Variants in ALDH1A3 observed in about 807,000 individuals in gnomAD.
ALDH1A3 encodes retinaldehyde dehydrogenase 3.
In ALDH1A3, 28 loss-of-function variants were observed where a neutral mutation model predicts 57.5. The ratio of observed to expected loss-of-function variants is 0.49; its 90% CI spans 0.36 to 0.67. The LOEUF (loss-of-function observed/expected upper bound fraction) is 0.67, where lower values mean the gene tolerates loss of function less well. Among genes scored for constraint, ALDH1A3 ranks in the 30% least tolerant of loss-of-function variants. The pLI is 0.00. For synonymous variants in ALDH1A3, 281 were observed against 264.8 expected (o/e 1.06, Z -0.59); for missense variants, 507 against 669.4 (o/e 0.76, Z 2.68).
intron 9 of ALDH1A3, among the ~76,000 whole-genome samples, chr15:100,903,821 T>C (rs1298888143): frequency 2.0e-5 from 3 of 152,270 alleles, no homozygotes; most frequent in Admixed American, 2.0e-4. Flanking sequence ...TCAAATGTGC[T>C]TTGCGTATTT....
Position 100,900,733 on chromosome 15 carries a change from G to A in ALDH1A3, c.1042G>A (p.Asp348Asn), listed in dbSNP as rs772610695. 1.3e-5 allele frequency: 21 copies of A among 1,613,958 alleles called. No homozygotes were observed. Among genetic ancestry groups the A allele is most frequent in the East Asian group, 4.5e-5 (2 of 44,896 alleles). Residue 348 changes from aspartate (D) to asparagine (N), a missense_variant, in exon 9 of 13, where the codon GAT becomes AAT. Coordinates refer to ENST00000329841, the MANE Select transcript of ALDH1A3 (RefSeq NM_000693.4). ...GAAACGGCCCGTGGGAGACCCCTTC[G>A]ATGTCAAAACAGAACAGGGGCCTCA... The part of the protein sequence containing the change: ...AKKRPVGDPF[D>N]VKTEQGPQID...
At chr15:100,904,379 C>T (rs896665368) in intron 9 of ALDH1A3, among the ~76,000 whole-genome samples, 1 of 152,168 alleles carries the variant, frequency 6.6e-6, no homozygotes, top group East Asian at 1.9e-4. Context: ...AAACTGGGTC[C>T]ATATTTCATG....
chr15:100,900,426 C>G (rs1006696860), intron 8 of ALDH1A3, 149 bp from the exon 9 acceptor site: 2 of 771,266 alleles, frequency 2.6e-6, no homozygotes, highest in Admixed American at 5.7e-5. Flanking sequence ...TTGGGAAAGT[C>G]TGCAAACAAA....
chr15:100,891,457 G>T (rs939516519), intron 3 of ALDH1A3, among the ~76,000 whole-genome samples: 4 of 152,272 alleles, frequency 2.6e-5, no homozygotes, highest in African/African-American at 9.6e-5. Context: ...GTAAAGGCCA[G>T]TCGCTGTGCT....
intron 3 of ALDH1A3, among the ~76,000 whole-genome samples, chr15:100,888,112 T>G (rs1302595998): frequency 6.6e-6 from 1 of 152,136 alleles, no homozygotes; most frequent in African/African-American, 2.4e-5. Context: ...TTTATTTATT[T>G]TTTTGAGACA....
chr15:100,905,114 C>A (rs1222285763), intron 9 of ALDH1A3, among the ~76,000 whole-genome samples: 6 of 152,182 alleles, frequency 3.9e-5, no homozygotes, highest in Non-Finnish European at 2.9e-5. Flanking sequence ...AATTATGTGT[C>A]ATTTTTCTGA....
chr15:100,890,572 C>G lies in ALDH1A3; in HGVS notation c.346-1938C>G, dbSNP rs1317864321. On this transcript the variant is annotated intron_variant, in intron 3 of 12. Transcript: ENST00000329841. ...ATGCTGGCTGAATGTTCGCCATGTA[C>G]CTGGCTTGTTGACCTGTAGGATTTA... 4.6e-5 allele frequency among the ~76,000 whole-genome samples: 7 copies of G among 152,158 alleles called. No homozygotes were observed. In the East Asian group the frequency reaches 1.3e-3, roughly 29 times the overall value.
chr15:100,887,565 C>A lies in ALDH1A3; in HGVS notation c.205-7C>A. 1 of 1,575,344 alleles carries A rather than the reference C, an allele frequency of 6.3e-7. No homozygotes were observed. Among genetic ancestry groups the A allele is most frequent in the South Asian group, 1.2e-5 (1 of 85,972 alleles). ...GACAGTCTCTCTCTGTTGTTCTGGT[C>A]GCTCAGCCCGACGTGGACAAGGCTG... On this transcript the variant is annotated splice_region_variant and splice_polypyrimidine_tract_variant and intron_variant, in intron 2 of 12. Coordinates refer to ENST00000329841, the MANE Select transcript of ALDH1A3 (RefSeq NM_000693.4). The surrounding 1 kb of genome is among the most constrained non-coding windows in gnomAD (Gnocchi z 4.6).
In ALDH1A3 at chr15:100,908,899, G is replaced by A. The variant is rs547009366; in HGVS notation, c.1466+417G>A. 3.3e-5 allele frequency among the ~76,000 whole-genome samples: 5 copies of A among 152,192 alleles called. No individual in the cohort carries two copies. The East Asian group carries it at 9.7e-4, about 29-fold the overall frequency. On this transcript the variant is annotated intron_variant, in intron 12 of 12. Coordinates refer to ENST00000329841, the MANE Select transcript of ALDH1A3 (RefSeq NM_000693.4). ...ACCCAGGTAAGGCTCCTACCTGCTG[G>A]GTCCTTTTTTCTGAGCCTAGTAGGG...
chr15:100,908,238 G>A (rs1423886847), intron 11 of ALDH1A3, among the ~76,000 whole-genome samples, 170 bp from the exon 12 acceptor site: 3 of 152,126 alleles, frequency 2.0e-5, no homozygotes, highest in African/African-American at 7.2e-5. Flanking sequence ...AGTTGCTGAT[G>A]AGAAGAATGA....
chr15:100,903,843 T>C (rs2041795414), intron 9 of ALDH1A3, among the ~76,000 whole-genome samples: 1 of 152,258 alleles, frequency 6.6e-6, no homozygotes, highest in African/African-American at 2.4e-5. Context: ...TCTTGCAAGC[T>C]GTTAGGCATT....
chr15:100,913,735 G>C (rs2041905222), intron 12 of ALDH1A3: 1 of 152,254 alleles, frequency 6.6e-6, no homozygotes, highest in Non-Finnish European at 1.5e-5. Context: ...GGGGAGGCCT[G>C]AGAATCTACA....
At position 100,915,182 on chromosome 15, in the gene ALDH1A3, A is replaced by G. The variant is rs970296303; in HGVS notation, c.*409A>G. 1.6e-5 allele frequency: 3 copies of G among 188,408 alleles called. No individual in the cohort carries two copies. The Admixed American group carries it at 1.6e-4, about 10-fold the overall frequency. The allele number at this position is 188,408 out of a possible 1,614,324, so 11.7% of individuals were successfully genotyped here. A position where few individuals can be genotyped will look rare whatever the true frequency, so the allele number is the denominator to read the frequency against. On this transcript the variant is annotated 3_prime_UTR_variant, in exon 13 of 13. Coordinates refer to ENST00000329841, the MANE Select transcript of ALDH1A3 (RefSeq NM_000693.4). ...TGTGTTCTGCAAGCAGGGCTCTTGC[A>G]CCAGCGGTCTCCTCAGGGTGGACCT...
At chr15:100,910,673 C>T (rs192029858) in intron 12 of ALDH1A3, among the ~76,000 whole-genome samples, 4 of 152,330 alleles carry the variant, frequency 2.6e-5, no homozygotes, top group Non-Finnish European at 4.4e-5. Context: ...CACCCTTGTC[C>T]GCCACCTGTT....
intron 11 of ALDH1A3, 79 bp from the exon 12 acceptor site, chr15:100,908,329 T>A: frequency 8.2e-7 from 1 of 1,218,530 alleles, no homozygotes; most frequent in Non-Finnish European, 1.2e-6. Flanking sequence ...TGCCCTGCAC[T>A]GGGGGCTAAG....
chr15:100,916,089 G>A lies in ALDH1A3; in HGVS notation c.*1316G>A, dbSNP rs889533146. ...TTAAGTTTGCAAATTAAGTTGGGGA[G>A]GGCAATAATAAAATGAGGGCCCGTA... is the stretch of plus-strand genomic sequence containing the variant. On this transcript the variant is annotated 3_prime_UTR_variant, in exon 13 of 13. Transcript: ENST00000329841. The A allele has an allele frequency of 5.3e-5, 8 of 152,184 alleles. No individual in the cohort carries two copies. In the South Asian group the frequency reaches 1.4e-3, roughly 28 times the overall value. The allele number at this position is 152,184 out of a possible 1,614,324, so 9.4% of individuals were successfully genotyped here.
Position 100,892,451 on chromosome 15 carries a change from C to T in ALDH1A3, c.346-59C>T, listed in dbSNP as rs1338945839. The T allele has an allele frequency of 1.9e-6, 3 of 1,607,390 alleles. No homozygotes were observed. In the African/African-American group the frequency reaches 4.0e-5, roughly 22 times the overall value. ...CTCCCCAACTTCCATCTTTAACAAC[C>T]TGACAGTGCAAAAGAAAAGCAAGCT... On this transcript the variant is annotated intron_variant, in intron 3 of 12. Transcript: ENST00000329841.
intron 1 of ALDH1A3, chr15:100,880,253 GCGCGGGGCCGGGCCGCC>G (rs960959758): frequency 2.6e-6 from 1 of 389,474 alleles, no homozygotes; most frequent in Non-Finnish European, 4.5e-6. Flanking sequence ...TCCAGCGCCC[GCGCGGGGCCGGGCCGCC>G]CGCATCCCTG....
intron 11 of ALDH1A3, among the ~76,000 whole-genome samples, chr15:100,907,620 C>T (rs1366542712): frequency 1.3e-5 from 2 of 152,150 alleles, no homozygotes; most frequent in Non-Finnish European, 2.9e-5. Flanking sequence ...AGTTCATGCC[C>T]ATCTGCAAAA....
Sources: gnomAD v4.1 joint callset for allele counts (sites outside exome capture counted in the v4.1 genomes callset) on GRCh38, gnomAD v4.1.1 for gene constraint, Gnocchi (gnomAD v3.1) non-coding constraint, MANE v1.5 for transcripts, NCBI Gene and HGNC (gene_info 2026-07-23, HGNC 2026-07-21) for gene names.